GALNTL6: variants seen among roughly 807,000 people sequenced by gnomAD.
GALNTL6 encodes the protein polypeptide N-acetylgalactosaminyltransferase like 6.
GALNTL6 carries 46 observed loss-of-function variants against 73.7 expected under a neutral mutation model. That is an observed-to-expected ratio of 0.62 (90% CI 0.49 to 0.80). GALNTL6 has a LOEUF of 0.80. GALNTL6 is among the 30% of genes least tolerant of loss of function. The probability of loss-of-function intolerance (pLI) is 0.00; values close to 1 mark genes in which losing one functional copy is unlikely to be tolerated. For synonymous variants in GALNTL6, 259 were observed against 263.7 expected, an observed-to-expected ratio of 0.98 and a Z score of 0.17; for missense variants, 604 against 755.0, an observed-to-expected ratio of 0.80 and a Z score of 2.34.
intron 2 of GALNTL6, among the ~76,000 whole-genome samples, chr4:172,034,753 T>C (rs1741884158): frequency 6.6e-6 from 1 of 152,080 alleles, no homozygotes; most frequent in Non-Finnish European, 1.5e-5. Flanking sequence ...TCTTACACAA[T>C]ATGACACAAA....
intron 2 of GALNTL6, among the ~76,000 whole-genome samples, chr4:172,014,885 C>T (rs570172348): frequency 1.7e-4 from 26 of 151,892 alleles, no homozygotes; most frequent in Admixed American, 4.6e-4. Context: ...AGTGAATTTC[C>T]AGTTTTATTC....
intron 5 of GALNTL6, among the ~76,000 whole-genome samples, chr4:172,359,529 T>C (rs954885330): frequency 6.6e-6 from 1 of 152,116 alleles, no homozygotes; most frequent in Non-Finnish European, 1.5e-5. Context: ...GACATCAGTG[T>C]TTTTTTAAAG....
At chr4:173,028,830 T>C (rs1392517863) in intron 12 of GALNTL6, among the ~76,000 whole-genome samples, 1 of 152,238 alleles carries the variant, frequency 6.6e-6, no homozygotes, top group Non-Finnish European at 1.5e-5. Flanking sequence ...TCTTATAATT[T>C]AACTTTCATA....
At chr4:172,357,017 C>G (rs1363893856) in intron 5 of GALNTL6, among the ~76,000 whole-genome samples, 1 of 151,954 alleles carries the variant, frequency 6.6e-6, no homozygotes, top group Non-Finnish European at 1.5e-5. Flanking sequence ...ACAACAATAA[C>G]AGAAACCATC....
intron 5 of GALNTL6, among the ~76,000 whole-genome samples, chr4:172,497,666 A>C (rs964406924): frequency 6.6e-6 from 1 of 152,240 alleles, no homozygotes; most frequent in Non-Finnish European, 1.5e-5. Context: ...CAATTATTCA[A>C]AAAATCCCTG....
At chr4:172,465,933 C>G (rs1732797657) in intron 5 of GALNTL6, among the ~76,000 whole-genome samples, 1 of 152,154 alleles carries the variant, frequency 6.6e-6, no homozygotes, top group African/African-American at 2.4e-5. Context: ...TAATATTGTA[C>G]AGATTGGTTT....
chr4:172,822,763 T>C (rs1742009825), intron 7 of GALNTL6, among the ~76,000 whole-genome samples: 1 of 152,206 alleles, frequency 6.6e-6, no homozygotes, highest in African/African-American at 2.4e-5. Context: ...AATGGATTGA[T>C]GACTGTTTTT....
chr4:172,120,954 A>C (rs1733133231), intron 2 of GALNTL6, among the ~76,000 whole-genome samples: 1 of 152,058 alleles, frequency 6.6e-6, no homozygotes, highest in South Asian at 2.1e-4. Flanking sequence ...CTCTAGGCAA[A>C]GTCCTCTAAG....
intron 2 of GALNTL6, among the ~76,000 whole-genome samples, chr4:171,981,653 TA>T (rs1739899347): frequency 6.6e-6 from 1 of 152,202 alleles, no homozygotes; most frequent in Non-Finnish European, 1.5e-5. Flanking sequence ...TAAATTAAAT[TA>T]AGCATTATCA....
chr4:172,409,072 C>A (rs1024453746), intron 5 of GALNTL6, among the ~76,000 whole-genome samples: 33 of 152,090 alleles, frequency 2.2e-4, no homozygotes, highest in African/African-American at 7.7e-4. Context: ...CCTTTAAAAT[C>A]TTGTTATTGC....
intron 2 of GALNTL6, among the ~76,000 whole-genome samples, chr4:172,190,686 G>A (rs1444121517): frequency 6.6e-6 from 1 of 152,148 alleles, no homozygotes; most frequent in African/African-American, 2.4e-5. Flanking sequence ...TCAAAGGCCA[G>A]GTTAATAAGT....
intron 2 of GALNTL6, among the ~76,000 whole-genome samples, chr4:171,996,719 C>T (rs113247474): frequency 0.026 from 2,439 of 93,050 alleles, 73 homozygotes; most frequent in African/African-American, 0.084. Context: ...CAATAGCTGA[C>T]GAGCAAAAAA....
intron 2 of GALNTL6, among the ~76,000 whole-genome samples, chr4:171,882,994 A>G (rs1440055053): frequency 6.6e-6 from 1 of 152,170 alleles, no homozygotes; most frequent in African/African-American, 2.4e-5. Context: ...TCAACTGTCC[A>G]TCTTAGAGGC....
At chr4:172,356,405 A>G (rs1422575209) in intron 5 of GALNTL6, among the ~76,000 whole-genome samples, 1 of 152,130 alleles carries the variant, frequency 6.6e-6, no homozygotes, top group Non-Finnish European at 1.5e-5. Context: ...GCTCTTTTTG[A>G]TGTCTAAATA....
intron 2 of GALNTL6, among the ~76,000 whole-genome samples, chr4:172,001,196 G>A (rs1740662082): frequency 6.6e-6 from 1 of 152,152 alleles, no homozygotes; most frequent in Admixed American, 6.6e-5. Context: ...TTTAGAAAAT[G>A]TAATTGTTTG....
At chr4:172,334,374 A>G (rs1252015580) in intron 4 of GALNTL6, among the ~76,000 whole-genome samples, 1 of 152,132 alleles carries the variant, frequency 6.6e-6, no homozygotes, top group Admixed American at 6.5e-5. Context: ...AATTCTTCTG[A>G]CCCATAAGTA....
intron 5 of GALNTL6, among the ~76,000 whole-genome samples, chr4:172,622,535 A>G (rs1314595134): frequency 2.6e-5 from 4 of 152,224 alleles, no homozygotes; most frequent in Admixed American, 1.3e-4. Flanking sequence ...TATCTGTCCA[A>G]TGGAAAGGTG....
chr4:172,109,392 G>A (rs1394171179), intron 2 of GALNTL6, among the ~76,000 whole-genome samples: 1 of 152,194 alleles, frequency 6.6e-6, no homozygotes, highest in African/African-American at 2.4e-5. Context: ...CCTCAGAGTT[G>A]TCTAAGAGTT....
chr4:172,647,576 T>G (rs1193588322), intron 5 of GALNTL6, among the ~76,000 whole-genome samples: 1 of 152,006 alleles, frequency 6.6e-6, no homozygotes, highest in Admixed American at 6.6e-5. Context: ...TCCTCATATT[T>G]TACAGATTAA....
Sources: gnomAD v4.1 joint callset for allele counts (sites outside exome capture counted in the v4.1 genomes callset) on GRCh38, gnomAD v4.1.1 for gene constraint, MANE v1.5 for transcripts, NCBI Gene and HGNC (gene_info 2026-07-23, HGNC 2026-07-21) for gene names.